The following PTPRG variants were observed in gnomAD, a reference collection of about 807,000 sequenced individuals.
The protein encoded by PTPRG is protein tyrosine phosphatase receptor type G.
In PTPRG, 102 loss-of-function variants were observed where a neutral mutation model predicts 165.3. The ratio of observed to expected loss-of-function variants is 0.62; its 90% confidence interval spans 0.53 to 0.73. PTPRG has a LOEUF of 0.73. Among genes scored for constraint, PTPRG ranks in the 30% least tolerant of loss-of-function variants. The probability of loss-of-function intolerance (pLI) is 0.00; values close to 1 mark genes in which losing one functional copy is unlikely to be tolerated. For synonymous variants in PTPRG, 675 were observed against 669.5 expected (o/e 1.01, Z -0.13); for missense variants, 1,866 against 1,861.4 (o/e 1.00, Z -0.05).
intron 6 of PTPRG, among the ~76,000 whole-genome samples, chr3:62,154,912 G>C (rs1363033055): frequency 1.3e-5 from 2 of 152,110 alleles, no homozygotes; most frequent in African/African-American, 4.8e-5. Flanking sequence ...CTATCGCTTG[G>C]GGCTTTGTGT....
At chr3:62,045,892 G>A (rs980559701) in intron 4 of PTPRG, among the ~76,000 whole-genome samples, 1 of 152,234 alleles carries the variant, frequency 6.6e-6, no homozygotes, top group Non-Finnish European at 1.5e-5. Flanking sequence ...GTGAGGCAAA[G>A]TGATAGGGCC....
intron 4 of PTPRG, among the ~76,000 whole-genome samples, chr3:62,032,666 G>A (rs1699808039): frequency 6.6e-6 from 1 of 152,162 alleles, no homozygotes; most frequent in African/African-American, 2.4e-5. Flanking sequence ...AAAATGCAGT[G>A]AAAGTTAAAT....
chr3:61,701,065 G>T lies in PTPRG; in HGVS notation c.86-47813G>T, dbSNP rs140660724. ...CTATGCAGTGGGAGCTTTAATAGTT[G>T]CCCTCAATCTCCCTGCCCTCCTTGC... On this transcript the variant is annotated intron_variant, in intron 1 of 29. Transcript: ENST00000474889. Among the ~76,000 whole-genome samples the T allele has an allele frequency of 9.4e-4, 143 of 152,208 alleles. 1 individual carries two copies. Among genetic ancestry groups the T allele is most frequent in the African/African-American group, 3.3e-3 (138 of 41,532 alleles).
intron 2 of PTPRG, among the ~76,000 whole-genome samples, chr3:61,836,090 C>T (rs1383181872): frequency 2.4e-5 from 3 of 123,206 alleles, no homozygotes; most frequent in African/African-American, 9.2e-5. Context: ...TATATATACA[C>T]ACACACACAC....
chr3:62,014,314 G>T (rs2041491601), intron 4 of PTPRG, among the ~76,000 whole-genome samples: 1 of 152,094 alleles, frequency 6.6e-6, no homozygotes, highest in Non-Finnish European at 1.5e-5. Context: ...CACGGATACT[G>T]CTCTGGATAC....
intron 14 of PTPRG, among the ~76,000 whole-genome samples, chr3:62,239,081 A>G (rs1478868641): frequency 6.6e-6 from 1 of 152,194 alleles, no homozygotes; most frequent in Non-Finnish European, 1.5e-5. Context: ...TATACTTTGT[A>G]GTTAAATTTG....
At chr3:61,562,441 G>A (rs996142249) in intron 1 of PTPRG, 69 bp downstream of exon 1, 2 of 1,495,130 alleles carry the variant, frequency 1.3e-6, no homozygotes, top group African/African-American at 1.4e-5. Flanking sequence ...TTGTCGCCTG[G>A]GCGCGGAGCT....
At chr3:61,637,177 T>C (rs1340646666) in intron 1 of PTPRG, among the ~76,000 whole-genome samples, 2 of 152,344 alleles carry the variant, frequency 1.3e-5, no homozygotes, top group Middle Eastern at 3.4e-3. Flanking sequence ...CTTATGTTTG[T>C]ACCAGAACTA....
At chr3:61,774,875 G>A (rs1172860817) in intron 2 of PTPRG, among the ~76,000 whole-genome samples, 2 of 152,192 alleles carry the variant, frequency 1.3e-5, no homozygotes, top group Non-Finnish European at 2.9e-5. Context: ...GTGACCCAGA[G>A]ATTGGACTGT....
intron 28 of PTPRG, among the ~76,000 whole-genome samples, chr3:62,291,245 C>T (rs1026373369): frequency 6.6e-6 from 1 of 152,068 alleles, no homozygotes; most frequent in Non-Finnish European, 1.5e-5. Flanking sequence ...CAAGTGTTCT[C>T]GTGCTGGGAA....
chr3:62,065,977 G>A (rs186054747), intron 4 of PTPRG, among the ~76,000 whole-genome samples: 1 of 152,294 alleles, frequency 6.6e-6, no homozygotes, highest in Non-Finnish European at 1.5e-5. Context: ...ATGTTTTGCA[G>A]CAACCTTTTT....
chr3:61,661,185 G>A (rs747557059), intron 1 of PTPRG, among the ~76,000 whole-genome samples: 20 of 151,782 alleles, frequency 1.3e-4, no homozygotes, highest in Middle Eastern at 6.8e-3. Flanking sequence ...CAATCCTTTC[G>A]CCTCAGCCTC....
Position 62,018,265 on chromosome 3 carries a change from C to T in PTPRG, c.519+14768C>T, listed in dbSNP as rs189050906. ...TCCAAAGCCAAATTTGAGTAATTTT[C>T]GTTCATTCCTTATTACTGGTAAATG... On this transcript the variant is annotated intron_variant, in intron 4 of 29. Transcript: ENST00000474889. Among the ~76,000 whole-genome samples, 16 of 152,286 alleles carry T rather than the reference C, an allele frequency of 1.1e-4. 1 individual carries two copies. The highest frequency in any genetic ancestry group is 2.6e-4 in the African/African-American group (11 of 41,570).
intron 2 of PTPRG, among the ~76,000 whole-genome samples, chr3:61,836,036 G>T: frequency 6.9e-6 from 1 of 144,638 alleles, no homozygotes; most frequent in East Asian, 2.1e-4. Flanking sequence ...GTAAATCTCC[G>T]TCTCACCCCC....
At chr3:61,626,688 A>G (rs140874087) in intron 1 of PTPRG, among the ~76,000 whole-genome samples, 4 of 152,298 alleles carry the variant, frequency 2.6e-5, no homozygotes, top group African/African-American at 9.6e-5. Context: ...CTGGGTGCCA[A>G]AGTGGGGCAG....
intron 28 of PTPRG, among the ~76,000 whole-genome samples, chr3:62,285,996 A>G (rs999597615): frequency 6.6e-6 from 1 of 152,212 alleles, no homozygotes; most frequent in East Asian, 1.9e-4. Flanking sequence ...CCAGAAGTAC[A>G]TGACATGTGA....
intron 26 of PTPRG, among the ~76,000 whole-genome samples, chr3:62,281,023 G>T (rs567469468): frequency 6.6e-6 from 1 of 151,998 alleles, no homozygotes; most frequent in Admixed American, 6.6e-5. Context: ...CCACAAAAAT[G>T]AAAGTGAGAT....
In PTPRG at chr3:62,190,620, G is replaced by C. The variant is rs894233702; in HGVS notation, c.1034-849G>C. ...CGTCAGGATAATTACACGGGGTTCT[G>C]CTGTTCCAGAGAAAGTCATCCTTGT... On this transcript the variant is annotated intron_variant, in intron 8 of 29. Coordinates refer to ENST00000474889, the MANE Select transcript of PTPRG (RefSeq NM_002841.4). This position sits in a 1 kb window ranked among gnomAD's most constrained non-coding sequence, Gnocchi z 5.2. Among the ~76,000 whole-genome samples the C allele has an allele frequency of 6.6e-6, 1 of 152,192 alleles. No individual in the cohort carries two copies. The highest frequency in any genetic ancestry group is 2.4e-5 in the African/African-American group (1 of 41,444).
chr3:61,959,079 T>G (rs536475992), intron 2 of PTPRG, among the ~76,000 whole-genome samples: 5 of 152,358 alleles, frequency 3.3e-5, no homozygotes, highest in Non-Finnish European at 7.3e-5. Flanking sequence ...TCAGTCTGAT[T>G]ATCAAGCTTT....
Sources: gnomAD v4.1 joint callset for allele counts (sites outside exome capture counted in the v4.1 genomes callset) on GRCh38, gnomAD v4.1.1 for gene constraint, Gnocchi (gnomAD v3.1) non-coding constraint, MANE v1.5 for transcripts, NCBI Gene and HGNC (gene_info 2026-07-23, HGNC 2026-07-21) for gene names.